Variants in FHOD3 observed in about 807,000 individuals in gnomAD.
The protein encoded by FHOD3 is FH1/FH2 domain-containing protein 3.
In FHOD3, 90 loss-of-function variants were observed where a neutral mutation model predicts 173.0. The observed-to-expected ratio is 0.52, with a 90% CI of 0.44 to 0.62. The LOEUF (loss-of-function observed/expected upper bound fraction) is 0.62. Among genes scored for constraint, FHOD3 ranks in the 20% least tolerant of loss-of-function variants. The pLI is 0.00. For synonymous variants in FHOD3, 828 were observed against 823.0 expected (o/e 1.01, Z -0.10); for missense variants, 1,945 against 2,034.7 (o/e 0.96, Z 0.85).
chr18:36,329,936 G>A (rs2044897616), intron 1 of FHOD3, among the ~76,000 whole-genome samples: 1 of 152,204 alleles, frequency 6.6e-6, no homozygotes, highest in South Asian at 2.1e-4. Flanking sequence ...CCTGCCTGGG[G>A]TGCCATCTAG....
chr18:36,498,980 A>T (rs1289068773), intron 3 of FHOD3, among the ~76,000 whole-genome samples: 1 of 152,194 alleles, frequency 6.6e-6, no homozygotes, highest in Non-Finnish European at 1.5e-5. Flanking sequence ...TAACTAAAGG[A>T]GACTTTAACT....
chr18:36,695,633 A>G (rs559389287), intron 17 of FHOD3, among the ~76,000 whole-genome samples: 1 of 152,232 alleles, frequency 6.6e-6, no homozygotes. Context: ...AAGAGCAAAC[A>G]GTCTTCCTTG....
chr18:36,553,391 A>G (rs965649660), intron 5 of FHOD3, among the ~76,000 whole-genome samples: 1 of 152,192 alleles, frequency 6.6e-6, no homozygotes, highest in Non-Finnish European at 1.5e-5. Context: ...TTCAGAAGGA[A>G]TGGTACCAGC....
intron 10 of FHOD3, among the ~76,000 whole-genome samples, chr18:36,635,343 A>C (rs2034807819): frequency 6.6e-6 from 1 of 152,192 alleles, no homozygotes; most frequent in Non-Finnish European, 1.5e-5. Flanking sequence ...AAATTGGCAA[A>C]ATTTTATCCT....
intron 3 of FHOD3, among the ~76,000 whole-genome samples, chr18:36,483,363 C>G (rs548068154): frequency 1.4e-4 from 21 of 152,254 alleles, no homozygotes; most frequent in African/African-American, 5.1e-4. Flanking sequence ...GCCAGATGCT[C>G]CACTCAGCAC....
intron 17 of FHOD3, among the ~76,000 whole-genome samples, chr18:36,706,811 C>T (rs1292672837): frequency 6.6e-6 from 1 of 152,198 alleles, no homozygotes; most frequent in South Asian, 2.1e-4. Context: ...AAACTTCAGT[C>T]CATGCCACAT....
intron 3 of FHOD3, among the ~76,000 whole-genome samples, chr18:36,499,594 A>G (rs1285147025): frequency 6.6e-6 from 1 of 152,186 alleles, no homozygotes; most frequent in East Asian, 1.9e-4. Context: ...GGATTCTCAG[A>G]TGTTAGCTGT....
chr18:36,625,015 G>A (rs988316419), intron 9 of FHOD3, among the ~76,000 whole-genome samples: 2 of 152,246 alleles, frequency 1.3e-5, no homozygotes, highest in African/African-American at 4.8e-5. Context: ...AGATTTATGG[G>A]TGAGGCCAGT....
At chr18:36,300,053 C>T (rs1598620237) in intron 1 of FHOD3, among the ~76,000 whole-genome samples, 1 of 152,198 alleles carries the variant, frequency 6.6e-6, no homozygotes, top group African/African-American at 2.4e-5. Context: ...GTTTCAAGCA[C>T]TTGGCATGTA....
At chr18:36,724,248 C>A (rs1317658410) in intron 19 of FHOD3, among the ~76,000 whole-genome samples, 1 of 152,232 alleles carries the variant, frequency 6.6e-6, no homozygotes, top group African/African-American at 2.4e-5. Context: ...GTGCTTATAT[C>A]CAGCCGAGCC....
chr18:36,752,370 C>T (rs58099133), intron 24 of FHOD3, among the ~76,000 whole-genome samples: 19,766 of 152,106 alleles, frequency 0.13, 1,439 homozygotes, highest in Admixed American at 0.16. Flanking sequence ...TGTGCCATTG[C>T]CCAAAGTCCA....
intron 9 of FHOD3, among the ~76,000 whole-genome samples, chr18:36,621,043 T>C (rs530710816): frequency 4.6e-5 from 7 of 152,350 alleles, no homozygotes; most frequent in African/African-American, 1.7e-4. Flanking sequence ...TTTCCTGTAA[T>C]TTAACTCCAT....
In FHOD3 at chr18:36,755,217, A is replaced by G. The variant is rs750571771; in HGVS notation, c.4331A>G (p.Glu1444Gly). The change falls in exon 25 of 29, where the codon GAG becomes GGG. Residue 1444 changes from glutamate to glycine, a missense_variant. By Grantham distance (98) the Glu-to-Gly change is moderately conservative. Around this residue, in one of 5 missense-constraint regions of FHOD3, gnomAD observed 354 missense variants for 359.9 expected, o/e 0.98. Transcript: ENST00000590592. ...AGGATTATTAGTGAATTTGCACTAGAGTATCGCACAACCAGGGAAAGGGTT... is the reference window on the plus strand; with the variant it reads ...AGGATTATTAGTGAATTTGCACTAGGGTATCGCACAACCAGGGAAAGGGTT... ...FCRIISEFAL[E>G]YRTTRERVLQ... The G allele has an allele frequency of 1.2e-6, 2 of 1,612,898 alleles. No individual in the cohort carries two copies. Among genetic ancestry groups the G allele is most frequent in the Non-Finnish European group, 1.7e-6 (2 of 1,179,534 alleles).
intron 1 of FHOD3, among the ~76,000 whole-genome samples, chr18:36,299,903 C>G (rs1040382911): frequency 6.6e-6 from 1 of 152,206 alleles, no homozygotes; most frequent in South Asian, 2.1e-4. Context: ...AGTGAGCAAC[C>G]GACTTTATTG....
At chr18:36,650,365 AC>A (rs2035968318) in intron 11 of FHOD3, among the ~76,000 whole-genome samples, 1 of 152,174 alleles carries the variant, frequency 6.6e-6, no homozygotes, top group African/African-American at 2.4e-5. Context: ...CTCATTTGAC[AC>A]ACAGACTCCT....
intron 5 of FHOD3, among the ~76,000 whole-genome samples, chr18:36,514,561 G>A (rs1005212844): frequency 6.6e-6 from 1 of 152,144 alleles, no homozygotes; most frequent in African/African-American, 2.4e-5. Flanking sequence ...ATTCTGAATA[G>A]TGGGTCCACA....
chr18:36,551,357 G>C (rs556926820), intron 5 of FHOD3, among the ~76,000 whole-genome samples: 5 of 152,106 alleles, frequency 3.3e-5, no homozygotes, highest in African/African-American at 1.2e-4. Flanking sequence ...CTTTGATTTT[G>C]TTGTGGCAAT....
At chr18:36,345,208 G>GTT (rs34670751) in intron 1 of FHOD3, among the ~76,000 whole-genome samples, 5,670 of 151,426 alleles carry the variant, frequency 0.037, 329 homozygotes, top group African/African-American at 0.13. Flanking sequence ...TACAGAGTAT[G>GTT]TTTTTTTTTA....
At chr18:36,419,435 T>C (rs1790633) in intron 3 of FHOD3, among the ~76,000 whole-genome samples, 7,376 of 151,986 alleles carry the variant, frequency 0.049, 561 homozygotes, top group African/African-American at 0.17. Flanking sequence ...GTACATAAAA[T>C]GCCACAGCAC....
Sources: gnomAD v4.1 joint callset for allele counts (sites outside exome capture counted in the v4.1 genomes callset) on GRCh38, gnomAD v4.1.1 for gene constraint, gnomAD v4.1.1 regional missense constraint, MANE v1.5 for transcripts, NCBI Gene and HGNC (gene_info 2026-07-23, HGNC 2026-07-21) for gene names.